The following FHIT variants were observed in gnomAD, a reference collection of about 807,000 sequenced individuals.
FHIT encodes bis(5'-adenosyl)-triphosphatase.
Under a neutral mutation model 17.9 loss-of-function variants are expected in FHIT, and 19 were observed. That is an observed-to-expected ratio of 1.06 (90% CI 0.74 to 1.56). The LOEUF is 1.56. FHIT is among the 40% of genes most tolerant of loss of function. The pLI is 0.00. For missense variants in FHIT, 248 were observed against 189.2 expected (o/e 1.31, Z -1.82); for synonymous variants, 81 against 69.7 (o/e 1.16, Z -0.81).
intron 4 of FHIT, among the ~76,000 whole-genome samples, chr3:60,750,428 G>A (rs1420223694): frequency 6.6e-6 from 1 of 152,108 alleles, no homozygotes; most frequent in Non-Finnish European, 1.5e-5. Flanking sequence ...ATTCCCACAT[G>A]TTGTGGGAGG....
intron 2 of FHIT, among the ~76,000 whole-genome samples, chr3:61,114,121 C>G (rs1204218263): frequency 1.3e-5 from 2 of 152,170 alleles, no homozygotes; most frequent in African/African-American, 4.8e-5. Context: ...CATGCCCAAT[C>G]TTTCCTCAGG....
chr3:61,128,773 T>G (rs2036682043), intron 2 of FHIT, among the ~76,000 whole-genome samples: 1 of 151,930 alleles, frequency 6.6e-6, no homozygotes, highest in South Asian at 2.1e-4. Flanking sequence ...AAAACAAGGT[T>G]GTTTTTTTTT....
chr3:60,955,842 G>A (rs1553778694), intron 3 of FHIT, among the ~76,000 whole-genome samples: 1 of 151,806 alleles, frequency 6.6e-6, no homozygotes, highest in Admixed American at 6.6e-5. Context: ...TGGTTCATGG[G>A]TGTTTAGTTT....
In FHIT at chr3:59,761,759, A is replaced by C. The variant is rs538206966; in HGVS notation, c.349-9438T>G. Among the ~76,000 whole-genome samples, 12 of 151,922 alleles carry C rather than the reference A, an allele frequency of 7.9e-5. 1 individual carries two copies. The South Asian group carries it at 2.5e-3, about 32-fold the overall frequency. ...GTAGCTGGGACTACGGGAGTGCACC[A>C]CCACACCTGGCTAGTTTTTGTAGAG... On this transcript the variant is annotated intron_variant, in intron 8 of 9. Coordinates refer to ENST00000492590, the MANE Select transcript of FHIT (RefSeq NM_002012.4).
chr3:60,362,802 T>C (rs1056435596), intron 5 of FHIT, among the ~76,000 whole-genome samples: 4 of 152,008 alleles, frequency 2.6e-5, no homozygotes, highest in African/African-American at 7.3e-5. Flanking sequence ...ATAAACAGGG[T>C]ACAGTATACA....
intron 3 of FHIT, among the ~76,000 whole-genome samples, chr3:60,889,215 T>C (rs1467684000): frequency 1.3e-5 from 2 of 152,230 alleles, no homozygotes; most frequent in East Asian, 1.9e-4. Flanking sequence ...AATTAGCCAA[T>C]TGGAATTAGT....
At chr3:60,155,362 C>T (rs1378894132) in intron 5 of FHIT, among the ~76,000 whole-genome samples, 2 of 152,136 alleles carry the variant, frequency 1.3e-5, no homozygotes, top group African/African-American at 2.4e-5. Flanking sequence ...GAACCAAACA[C>T]AGCAAAAACA....
At chr3:60,242,398 C>T (rs1705175773) in intron 5 of FHIT, among the ~76,000 whole-genome samples, 1 of 152,066 alleles carries the variant, frequency 6.6e-6, no homozygotes, top group Non-Finnish European at 1.5e-5. Flanking sequence ...GTTCACAAAA[C>T]CCATTTGGGT....
chr3:60,081,593 G>T (rs1210109654), intron 5 of FHIT, among the ~76,000 whole-genome samples: 1 of 152,126 alleles, frequency 6.6e-6, no homozygotes, highest in Non-Finnish European at 1.5e-5. Context: ...ACTATGGATG[G>T]ACTCCAACCA....
intron 4 of FHIT, among the ~76,000 whole-genome samples, chr3:60,741,860 T>A (rs1308372057): frequency 6.6e-6 from 1 of 152,214 alleles, no homozygotes; most frequent in Non-Finnish European, 1.5e-5. Context: ...ATGTATGGTA[T>A]AATATATGGC....
At chr3:60,053,399 G>A (rs765372862) in intron 5 of FHIT, among the ~76,000 whole-genome samples, 14 of 147,926 alleles carry the variant, frequency 9.5e-5, no homozygotes, top group Non-Finnish European at 1.6e-4. Context: ...TGTCACATAC[G>A]AGATACTCAA....
chr3:60,473,809 G>A (rs901255183), intron 5 of FHIT, among the ~76,000 whole-genome samples: 30 of 152,010 alleles, frequency 2.0e-4, no homozygotes, highest in Admixed American at 1.5e-3. Context: ...TATAGTCCCA[G>A]CTACTCAGGA....
intron 4 of FHIT, among the ~76,000 whole-genome samples, chr3:60,539,586 CA>C (rs1259638962): frequency 6.6e-6 from 1 of 152,120 alleles, no homozygotes; most frequent in Non-Finnish European, 1.5e-5. Flanking sequence ...AAATGTAGCA[CA>C]TATACGTGGA....
chr3:60,732,047 A>G (rs782742789), intron 4 of FHIT: 1 of 485,388 alleles, frequency 2.1e-6, no homozygotes, highest in Non-Finnish European at 3.8e-6. Context: ...GCGACAATAC[A>G]AAGATTCTAG....
intron 4 of FHIT, among the ~76,000 whole-genome samples, chr3:60,773,586 T>C (rs1309510754): frequency 2.0e-5 from 3 of 152,150 alleles, no homozygotes; most frequent in African/African-American, 7.2e-5. Context: ...ATCTTGCAAA[T>C]GACCAGACAA....
At chr3:60,457,119 C>G (rs1029864509) in intron 5 of FHIT, among the ~76,000 whole-genome samples, 1 of 152,112 alleles carries the variant, frequency 6.6e-6, no homozygotes, top group South Asian at 2.1e-4. Flanking sequence ...GCCCGTATTG[C>G]CAAGTCAATC....
At chr3:59,756,493 T>C (rs1179736825) in intron 8 of FHIT, among the ~76,000 whole-genome samples, 1 of 126,430 alleles carries the variant, frequency 7.9e-6, no homozygotes, top group Non-Finnish European at 1.6e-5. Context: ...CAAACAAAAA[T>C]ACAAGACACT....
chr3:61,007,378 TAAC>T (rs1279450002), intron 3 of FHIT, among the ~76,000 whole-genome samples: 1 of 152,224 alleles, frequency 6.6e-6, no homozygotes, highest in Non-Finnish European at 1.5e-5. Context: ...TTACAGGCAT[TAAC>T]AACAGTTTAC....
intron 8 of FHIT, among the ~76,000 whole-genome samples, chr3:59,885,334 T>C (rs1703575110): frequency 6.6e-6 from 1 of 152,056 alleles, no homozygotes; most frequent in Non-Finnish European, 1.5e-5. Context: ...GGGGCTGCCA[T>C]GTGTCCTCTC....
Sources: allele counts gnomAD v4.1 joint callset (sites outside exome capture counted in the v4.1 genomes callset), GRCh38; gene constraint gnomAD v4.1.1; transcripts MANE v1.5; gene names NCBI Gene and HGNC (gene_info 2026-07-23, HGNC 2026-07-21).